The following NAALADL2 variants were observed in gnomAD, a reference collection of about 807,000 sequenced individuals.
The protein encoded by NAALADL2 is N-acetylated alpha-linked acidic dipeptidase like 2, also known as inactive N-acetylated-alpha-linked acidic dipeptidase-like protein 2.
A neutral mutation model predicts 87.2 loss-of-function variants in NAALADL2; 76 were observed. The observed-to-expected ratio is 0.87, with a 90% CI of 0.72 to 1.05. The LOEUF is 1.05. Among genes scored for constraint, NAALADL2 ranks in the 50% least tolerant of loss-of-function variants. The pLI, the probability that NAALADL2 is intolerant of heterozygous loss-of-function variation, is 0.00. For synonymous variants in NAALADL2, 354 were observed against 331.0 expected, an observed-to-expected ratio of 1.07 and a Z score of -0.75; for missense variants, 1,089 against 945.8, an observed-to-expected ratio of 1.15 and a Z score of -1.99.
chr3:175,027,241 T>C (rs925030404), intron 1 of NAALADL2, among the ~76,000 whole-genome samples: 9 of 152,096 alleles, frequency 5.9e-5, no homozygotes, highest in Non-Finnish European at 1.0e-4. Flanking sequence ...TAGTAAAAAG[T>C]AGATTTAATG....
intron 9 of NAALADL2, among the ~76,000 whole-genome samples, chr3:175,573,321 A>G (rs1025469750): frequency 1.3e-5 from 2 of 152,238 alleles, no homozygotes; most frequent in African/African-American, 4.8e-5. Flanking sequence ...AAGAGAAAGT[A>G]GGTCATTTAA....
intron 2 of NAALADL2, among the ~76,000 whole-genome samples, chr3:174,686,173 G>C (rs1190142208): frequency 2.0e-5 from 3 of 151,876 alleles, no homozygotes; most frequent in Non-Finnish European, 4.4e-5. Context: ...ATATTCCTTT[G>C]GGCGTATACC....
chr3:175,269,506 C>T (rs1439892454), intron 4 of NAALADL2, among the ~76,000 whole-genome samples: 2 of 152,176 alleles, frequency 1.3e-5, no homozygotes, highest in Admixed American at 6.5e-5. Flanking sequence ...TATAATCTTA[C>T]GTGACCGCTG....
chr3:174,620,430 T>TTTTTG (rs1162893572), intron 2 of NAALADL2, among the ~76,000 whole-genome samples: 1 of 66,748 alleles, frequency 1.5e-5, no homozygotes, highest in Non-Finnish European at 5.1e-5. Flanking sequence ...TTATGTGTGT[T>TTTTTG]TTTTGTTTTG....
chr3:175,786,297 T>C (rs548959647), intron 13 of NAALADL2, among the ~76,000 whole-genome samples: 1 of 152,318 alleles, frequency 6.6e-6, no homozygotes, highest in East Asian at 1.9e-4. Context: ...GCAAAGTGTT[T>C]TCCAACTTGG....
chr3:174,825,580 T>C (rs1579085566), intron 3 of NAALADL2, among the ~76,000 whole-genome samples: 1 of 152,310 alleles, frequency 6.6e-6, no homozygotes, highest in Non-Finnish European at 1.5e-5. Context: ...CTAGAAATAA[T>C]GTTTTGCCAG....
At chr3:175,355,243 T>C (rs1764236493) in intron 5 of NAALADL2, among the ~76,000 whole-genome samples, 1 of 151,670 alleles carries the variant, frequency 6.6e-6, no homozygotes, top group African/African-American at 2.4e-5. Context: ...TATTTTTGTA[T>C]TTTAGTAGAG....
intron 3 of NAALADL2, among the ~76,000 whole-genome samples, chr3:174,783,463 A>G (rs1626693): frequency 0.32 from 48,479 of 151,940 alleles, 7,701 homozygotes; most frequent in Middle Eastern, 0.37. Context: ...AATTCTAGCC[A>G]CGTTTGACCC....
intron 1 of NAALADL2, among the ~76,000 whole-genome samples, chr3:174,922,574 T>A (rs1735401289): frequency 6.6e-6 from 1 of 152,168 alleles, no homozygotes; most frequent in South Asian, 2.1e-4. Context: ...TGTTCCAGGA[T>A]CCTATCCAGG....
chr3:175,461,091 G>A (rs138437184), intron 6 of NAALADL2, among the ~76,000 whole-genome samples: 72 of 152,234 alleles, frequency 4.7e-4, no homozygotes, highest in African/African-American at 1.4e-3. Flanking sequence ...GATACAGAGC[G>A]CTGATTGGTG....
Position 174,863,830 on chromosome 3 carries a change from G to A in NAALADL2, c.43+4380G>A, listed in dbSNP as rs565150892. 6.7e-5 allele frequency: 19 copies of A among 284,494 alleles called. No individual in the cohort carries two copies. The East Asian group carries it at 2.2e-3, about 33-fold the overall frequency. 17.6% of individuals were successfully genotyped at this position (284,494 alleles called of 1,614,324 possible). On this transcript the variant is annotated intron_variant, in intron 1 of 13. Coordinates refer to ENST00000454872, the MANE Select transcript of NAALADL2 (RefSeq NM_207015.3). ...CTTCCCAGCCTACAGAACTTTAATAGCATTTTCAATTAACAGAAGTGCAAG... is the reference window on the plus strand; with the variant it reads ...CTTCCCAGCCTACAGAACTTTAATAACATTTTCAATTAACAGAAGTGCAAG...
chr3:175,320,438 A>G (rs1759703735), intron 4 of NAALADL2, among the ~76,000 whole-genome samples: 1 of 152,164 alleles, frequency 6.6e-6, no homozygotes, highest in Admixed American at 6.5e-5. Context: ...GGAGACCCCC[A>G]TAAGGTTACG....
intron 3 of NAALADL2, among the ~76,000 whole-genome samples, chr3:174,833,179 A>G (rs1722930206): frequency 6.6e-6 from 1 of 152,182 alleles, no homozygotes; most frequent in Admixed American, 6.5e-5. Flanking sequence ...CTTTTAAATG[A>G]TCATATCTGT....
chr3:174,889,494 G>A (rs1730608677), intron 1 of NAALADL2, among the ~76,000 whole-genome samples: 1 of 151,970 alleles, frequency 6.6e-6, no homozygotes, highest in Admixed American at 6.6e-5. Flanking sequence ...TTATTTCCCT[G>A]CTTCACTGTC....
chr3:175,324,465 T>G lies in NAALADL2; in HGVS notation c.1090+140T>G, dbSNP rs557583915. ...CTTATTATTTTAAAAAGCAATTTAT[T>G]TTTTATCTTCTCATAATTATAGACT... On this transcript the variant is annotated intron_variant, in intron 5 of 13. Transcript: ENST00000454872. 70 of 672,676 alleles carry G rather than the reference T, an allele frequency of 1.0e-4. No homozygotes were observed. In the African/African-American group the frequency reaches 1.2e-3, roughly 12 times the overall value. The allele number at this position is 672,676 out of a possible 1,614,324, so 41.7% of individuals were successfully genotyped here.
At chr3:175,054,783 G>T (rs957119443) in intron 1 of NAALADL2, among the ~76,000 whole-genome samples, 13 of 152,084 alleles carry the variant, frequency 8.5e-5, no homozygotes, top group African/African-American at 2.7e-4. Flanking sequence ...CCCCTAACAG[G>T]GACATACCCC....
intron 11 of NAALADL2, among the ~76,000 whole-genome samples, chr3:175,645,549 G>A (rs576762862): frequency 1.3e-5 from 2 of 152,058 alleles, no homozygotes; most frequent in Non-Finnish European, 1.5e-5. Flanking sequence ...TTGCTCTAAA[G>A]TGCATATAAG....
At chr3:175,470,689 A>G (rs952172098) in intron 8 of NAALADL2, among the ~76,000 whole-genome samples, 10 of 152,036 alleles carry the variant, frequency 6.6e-5, no homozygotes, top group African/African-American at 2.2e-4. Flanking sequence ...AAAAAAAAAC[A>G]GGAAAATAGC....
intron 12 of NAALADL2, 143 bp from the exon 13 acceptor site, chr3:175,755,077 A>AT (rs769309000): frequency 1.6e-6 from 1 of 629,012 alleles, no homozygotes. Context: ...ACAAAAAAAA[A>AT]GAGAGAGAGA....
Sources: allele counts gnomAD v4.1 joint callset (sites outside exome capture counted in the v4.1 genomes callset), GRCh38; gene constraint gnomAD v4.1.1; transcripts MANE v1.5; gene names NCBI Gene and HGNC (gene_info 2026-07-23, HGNC 2026-07-21).